The following PRKG1 variants were observed in gnomAD, a reference collection of about 807,000 sequenced individuals.
PRKG1 encodes protein kinase cGMP-dependent 1, also known as cGMP-dependent protein kinase 1.
A neutral mutation model predicts 88.1 loss-of-function variants in PRKG1; 35 were observed. The ratio of observed to expected loss-of-function variants is 0.40; its 90% confidence interval spans 0.30 to 0.53. The LOEUF is 0.53. Among genes scored for constraint, PRKG1 ranks in the 20% least tolerant of loss-of-function variants. The pLI is 0.59. For synonymous variants in PRKG1, 303 were observed against 292.5 expected (o/e 1.04, Z -0.37); for missense variants, 540 against 839.8 (o/e 0.64, Z 4.41).
At chr10:52,026,971 C>T (rs1031501814) in intron 5 of PRKG1, among the ~76,000 whole-genome samples, 2 of 151,426 alleles carry the variant, frequency 1.3e-5, no homozygotes, top group Non-Finnish European at 2.9e-5. Flanking sequence ...AGTAAGACTC[C>T]GTCAAAAAAA....
intron 3 of PRKG1, among the ~76,000 whole-genome samples, chr10:51,749,463 C>A (rs1837663526): frequency 6.6e-6 from 1 of 152,054 alleles, no homozygotes; most frequent in Non-Finnish European, 1.5e-5. Flanking sequence ...GGAAAGAGAT[C>A]ACTCTCTCTT....
intron 5 of PRKG1, among the ~76,000 whole-genome samples, chr10:52,003,068 A>G (rs1356310678): frequency 6.6e-6 from 1 of 152,134 alleles, no homozygotes; most frequent in Non-Finnish European, 1.5e-5. Flanking sequence ...GCCTCCTTGC[A>G]TGGTGTTTAA....
intron 3 of PRKG1, among the ~76,000 whole-genome samples, chr10:51,672,444 T>C (rs938131583): frequency 6.6e-6 from 1 of 152,142 alleles, no homozygotes; most frequent in Non-Finnish European, 1.5e-5. Context: ...CTTTTTTACA[T>C]TTCTTTCTGA....
intron 3 of PRKG1, among the ~76,000 whole-genome samples, chr10:51,519,524 A>G (rs1010970247): frequency 6.6e-6 from 1 of 152,148 alleles, no homozygotes; most frequent in African/African-American, 2.4e-5. Flanking sequence ...AGAATTTTAG[A>G]TTTATTTAAA....
intron 2 of PRKG1, among the ~76,000 whole-genome samples, chr10:51,243,067 G>A (rs1371765553): frequency 6.6e-6 from 1 of 152,106 alleles, no homozygotes; most frequent in Non-Finnish European, 1.5e-5. Flanking sequence ...ACATTGAGAT[G>A]GACTTGGAAA....
intron 6 of PRKG1, among the ~76,000 whole-genome samples, chr10:52,057,499 T>G (rs944175997): frequency 6.6e-6 from 1 of 152,198 alleles, no homozygotes; most frequent in Non-Finnish European, 1.5e-5. Context: ...CATATGTCCC[T>G]GCAGTTGTGT....
chr10:52,270,096 G>T (rs537130347), intron 10 of PRKG1, among the ~76,000 whole-genome samples: 1 of 152,142 alleles, frequency 6.6e-6, no homozygotes, highest in African/African-American at 2.4e-5. Flanking sequence ...TAAACTGTAG[G>T]GAGGGAAAAT....
At chr10:51,766,615 C>T (rs1224543658) in intron 3 of PRKG1, among the ~76,000 whole-genome samples, 2 of 152,126 alleles carry the variant, frequency 1.3e-5, no homozygotes, top group Non-Finnish European at 2.9e-5. Context: ...TCCTCTTCTC[C>T]TACTCCTATG....
intron 2 of PRKG1, among the ~76,000 whole-genome samples, chr10:51,397,514 A>G (rs1217015737): frequency 6.6e-6 from 1 of 151,988 alleles, no homozygotes; most frequent in Non-Finnish European, 1.5e-5. Flanking sequence ...TTGGACTTTG[A>G]CTTGCTGTGG....
At chr10:52,009,123 G>A (rs1844815255) in intron 5 of PRKG1, among the ~76,000 whole-genome samples, 1 of 152,008 alleles carries the variant, frequency 6.6e-6, no homozygotes. Flanking sequence ...GCTCAAGTGT[G>A]CCCTCTCTCA....
At chr10:51,279,217 A>G (rs954917176) in intron 2 of PRKG1, among the ~76,000 whole-genome samples, 4 of 152,120 alleles carry the variant, frequency 2.6e-5, no homozygotes, top group Admixed American at 2.0e-4. Context: ...TATGTACCCA[A>G]TAGTCATTCA....
chr10:51,134,290 C>T (rs796218349), intron 1 of PRKG1, among the ~76,000 whole-genome samples: 50 of 152,190 alleles, frequency 3.3e-4, no homozygotes, highest in African/African-American at 7.7e-4. Flanking sequence ...TGGGGAGTTT[C>T]GTCATTACTT....
intron 3 of PRKG1, chr10:51,697,605 C>A (rs1841332502): frequency 1.0e-5 from 12 of 1,202,348 alleles, no homozygotes; most frequent in Non-Finnish European, 1.3e-5. Context: ...AAACCCTAAT[C>A]CAAGTGTGGG....
intron 3 of PRKG1, among the ~76,000 whole-genome samples, chr10:51,652,871 C>A (rs933069794): frequency 2.0e-5 from 3 of 152,160 alleles, no homozygotes; most frequent in Non-Finnish European, 4.4e-5. Flanking sequence ...TCAACATCTC[C>A]TCTTCTCCTA....
rs57229967 is a variant in PRKG1, at chr10:51,884,444, C to CA, written c.699-23037dup. On this transcript the variant is annotated intron_variant, in intron 4 of 17. Transcript: ENST00000373980. Reference sequence around the variant, plus strand: ...TGGGCGACAGAGTGAAACTCCGTCTCAAAAAAAAAAAAAAAAAAAAAAAAA... The same window carrying CA: ...TGGGCGACAGAGTGAAACTCCGTCTCAAAAAAAAAAAAAAAAAAAAAAAAAA... Among the ~76,000 whole-genome samples, 191 of 69,992 alleles carry CA rather than the reference C, an allele frequency of 2.7e-3. 26 individuals carry two copies. Among genetic ancestry groups the CA allele is most frequent in the South Asian group, 0.011 (7 of 634 alleles). 45.9% of individuals were successfully genotyped at this position (69,992 alleles called of 152,430 possible).
intron 2 of PRKG1, among the ~76,000 whole-genome samples, chr10:51,443,243 T>C (rs1839173617): frequency 6.9e-6 from 1 of 144,208 alleles, no homozygotes; most frequent in Admixed American, 6.8e-5. Flanking sequence ...AAAATTTTAT[T>C]AGAATATAGC....
At chr10:51,720,052 T>A (rs1841975007) in intron 3 of PRKG1, among the ~76,000 whole-genome samples, 1 of 152,056 alleles carries the variant, frequency 6.6e-6, no homozygotes, top group African/African-American at 2.4e-5. Flanking sequence ...ATTGGCTGAA[T>A]GGAATTGGTA....
chr10:51,066,733 C>T (rs1379877185), intron 1 of PRKG1, among the ~76,000 whole-genome samples: 1 of 152,060 alleles, frequency 6.6e-6, no homozygotes, highest in Non-Finnish European at 1.5e-5. Context: ...ATTCATAATA[C>T]ATACTGGAAT....
intron 2 of PRKG1, among the ~76,000 whole-genome samples, chr10:51,441,673 C>T (rs1474952700): frequency 6.6e-6 from 1 of 151,926 alleles, no homozygotes; most frequent in East Asian, 1.9e-4. Context: ...ATTTTGTTCT[C>T]TTTTATCCTA....
Sources: gnomAD v4.1 joint callset for allele counts (sites outside exome capture counted in the v4.1 genomes callset) on GRCh38, gnomAD v4.1.1 for gene constraint, MANE v1.5 for transcripts, NCBI Gene and HGNC (gene_info 2026-07-23, HGNC 2026-07-21) for gene names.